The following CACNA1D variants were observed in gnomAD, a reference collection of about 807,000 sequenced individuals.
CACNA1D encodes voltage-dependent L-type calcium channel subunit alpha-1D.
A neutral mutation model predicts 257.1 loss-of-function variants in CACNA1D; 55 were observed. The observed-to-expected ratio is 0.21, with a 90% confidence interval of 0.17 to 0.27. CACNA1D has a LOEUF of 0.27. CACNA1D is among the 10% of genes least tolerant of loss of function. The pLI, the probability that CACNA1D is intolerant of heterozygous loss-of-function variation, is 1.00. For missense variants in CACNA1D, 1,876 were observed against 2,784.0 expected (o/e 0.67, Z 7.34); for synonymous variants, 980 against 1,014.9 (o/e 0.97, Z 0.65).
chr3:53,633,004 A>T (rs1238541483), intron 3 of CACNA1D, among the ~76,000 whole-genome samples: 2 of 152,378 alleles, frequency 1.3e-5, no homozygotes, highest in South Asian at 4.1e-4. Context: ...AATGGTACCA[A>T]TAGACCCGCT....
chr3:53,642,540 C>T (rs2093970001), intron 3 of CACNA1D, among the ~76,000 whole-genome samples: 1 of 152,228 alleles, frequency 6.6e-6, no homozygotes, highest in East Asian at 1.9e-4. Context: ...ACTGCCCCAT[C>T]CAGGCTAACT....
At chr3:53,600,209 T>C (rs1039878560) in intron 3 of CACNA1D, among the ~76,000 whole-genome samples, 4 of 152,260 alleles carry the variant, frequency 2.6e-5, no homozygotes, top group African/African-American at 9.6e-5. Context: ...AAGTTACTTC[T>C]TATTTCACCC....
Position 53,660,247 on chromosome 3 carries a change from A to G in CACNA1D, c.738A>G (p.Arg246=), listed in dbSNP as rs1399270394. The G allele has an allele frequency of 6.2e-7, 1 of 1,614,102 alleles. No individual in the cohort carries two copies. Among genetic ancestry groups the G allele is most frequent in the Non-Finnish European group, 8.5e-7 (1 of 1,179,978 alleles). Residue 246 remains arginine, a synonymous_variant, in exon 5 of 48, where the codon CGA becomes CGG. Transcript: ENST00000350061. ...VKALRAFRVL[R]PLRLVSGVPS... is the part of the protein sequence containing the mutation. The stretch of plus-strand genomic sequence containing the variant: ...CCCTCCGTGCCTTTCGAGTGTTGCG[A>G]CCACTTCGACTAGTGTCAGGAGTGC...
At position 53,709,561 on chromosome 3, in the gene CACNA1D, G is replaced by A. The variant is rs545328525; in HGVS notation, c.1390+6751G>A. Among the ~76,000 whole-genome samples the A allele has an allele frequency of 5.9e-5, 9 of 152,330 alleles. No homozygotes were observed. In the Middle Eastern group the frequency reaches 0.017, roughly 288 times the overall value. ...GCCTACCCATAGTGTGCAGGTGTCT[G>A]TGCTGCCCATGCCCTTGCTTACTCC... On this transcript the variant is annotated intron_variant, in intron 9 of 47. Coordinates refer to ENST00000350061, the MANE Select transcript of CACNA1D (RefSeq NM_001128840.3).
chr3:53,565,473 A>G (rs755975408), intron 3 of CACNA1D, among the ~76,000 whole-genome samples: 5 of 152,232 alleles, frequency 3.3e-5, no homozygotes, highest in Non-Finnish European at 7.3e-5. Flanking sequence ...ATTTATCTGC[A>G]TGGCCAAAAT....
intron 3 of CACNA1D, among the ~76,000 whole-genome samples, chr3:53,501,994 A>G (rs998727338): frequency 1.3e-5 from 2 of 151,894 alleles, no homozygotes; most frequent in African/African-American, 4.8e-5. Flanking sequence ...AATAACTGTT[A>G]TCTCCACATA....
In CACNA1D at chr3:53,734,111, G is replaced by A. The variant is rs750751619; in HGVS notation, c.2621+1149G>A. 4.0e-5 allele frequency among the ~76,000 whole-genome samples: 6 copies of A among 149,852 alleles called. No homozygotes were observed. The Middle Eastern group carries it at 0.011, about 264-fold the overall frequency. On this transcript the variant is annotated intron_variant, in intron 19 of 47. Transcript: ENST00000350061. ...AAGCACTCCTGCCCTCACTAGCTTG[G>A]AAGTTCTTTCCCAGACTCAACTGCT... is the stretch of plus-strand genomic sequence containing the variant.
chr3:53,520,818 A>G (rs1432192421), intron 3 of CACNA1D, among the ~76,000 whole-genome samples: 1 of 151,214 alleles, frequency 6.6e-6, no homozygotes, highest in Admixed American at 6.6e-5. Flanking sequence ...TCTGTATACC[A>G]GTTCCTTTTT....
intron 9 of CACNA1D, among the ~76,000 whole-genome samples, chr3:53,714,213 G>C (rs894864824): frequency 1.3e-5 from 2 of 152,198 alleles, no homozygotes; most frequent in African/African-American, 4.8e-5. Flanking sequence ...ATGGCCCCTG[G>C]TGCTTATTTC....
rs73840931 is a variant in CACNA1D, at chr3:53,719,988, A to G, written c.1505+207A>G. ...CAAAGATCTCCCTCAAAGTAAACCA[A>G]TAAGACTCAGTAACGAGTTTTGCCT... is the stretch of plus-strand genomic sequence containing the variant. On this transcript the variant is annotated intron_variant, in intron 11 of 47. Transcript: ENST00000350061. 0.012 allele frequency among the ~76,000 whole-genome samples: 1,882 copies of G among 152,262 alleles called. 41 individuals carry two copies. Among genetic ancestry groups the G allele is most frequent in the African/African-American group, 0.043 (1,784 of 41,542 alleles).
chr3:53,620,522 G>A (rs1202178898), intron 3 of CACNA1D, among the ~76,000 whole-genome samples: 4 of 152,112 alleles, frequency 2.6e-5, no homozygotes, highest in African/African-American at 7.2e-5. Flanking sequence ...AAACTCTTGC[G>A]CTCAAAGGAT....
chr3:53,650,901 T>C lies in CACNA1D; in HGVS notation c.606T>C (p.Phe202=). 1 of 1,612,822 alleles carries C rather than the reference T, an allele frequency of 6.2e-7. No individual in the cohort carries two copies. The highest frequency in any genetic ancestry group is 1.3e-5 in the African/African-American group (1 of 75,018). The part of the protein sequence containing the change: ...YVRNGWNLLD[F]VIVIVGLFSV... Reference sequence around the variant, plus strand: ...GGAATGGATGGAATTTACTGGATTTTGTTATAGTAATAGTAGGGTAAGTCT... The same window carrying C: ...GGAATGGATGGAATTTACTGGATTTCGTTATAGTAATAGTAGGGTAAGTCT... Residue 202 remains phenylalanine, a synonymous_variant, in exon 4 of 48, where the codon TTT becomes TTC. Coordinates refer to ENST00000350061, the MANE Select transcript of CACNA1D (RefSeq NM_001128840.3).
intron 5 of CACNA1D, 140 bp downstream of exon 5, chr3:53,660,415 A>G (rs1312958370): frequency 9.2e-6 from 7 of 760,282 alleles, no homozygotes; most frequent in East Asian, 2.6e-5. Flanking sequence ...TTCACAGTTG[A>G]CAGGACACTT....
chr3:53,725,587 T>G (rs1027980622), intron 14 of CACNA1D, among the ~76,000 whole-genome samples: 3 of 152,182 alleles, frequency 2.0e-5, no homozygotes, highest in Non-Finnish European at 4.4e-5. Flanking sequence ...ATTGCCTCAC[T>G]GCCTCTCCCC....
At position 53,787,452 on chromosome 3, in the gene CACNA1D, T is replaced by TGTGTGTGTGC. The variant is rs780595738; in HGVS notation, c.4923+502_4923+503insGTGTGTGCGT. ...GTGTGTGTGTGTGTGTGTGTGTGTGTGTATGTATGTATGTGTGGTGTGTCT... is the reference window on the plus strand; with the variant it reads ...GTGTGTGTGTGTGTGTGTGTGTGTGTGTGTGTGTGCGTATGTATGTATGTGTGGTGTGTCT... On this transcript the variant is annotated intron_variant, in intron 40 of 47. Transcript: ENST00000350061. Among the ~76,000 whole-genome samples, 3 of 150,628 alleles carry TGTGTGTGTGC rather than the reference T, an allele frequency of 2.0e-5. No homozygotes were observed. The South Asian group carries it at 6.3e-4, about 32-fold the overall frequency.
chr3:53,788,573 C>T (rs370611450), intron 40 of CACNA1D, among the ~76,000 whole-genome samples: 5 of 152,158 alleles, frequency 3.3e-5, no homozygotes, highest in South Asian at 4.1e-4. Flanking sequence ...TTGAGGGCAG[C>T]GTGGCCAGGT....
chr3:53,507,072 C>CAAAAAAAAAAAA (rs781421977), intron 3 of CACNA1D, among the ~76,000 whole-genome samples: 6 of 56,676 alleles, frequency 1.1e-4, no homozygotes, highest in Non-Finnish European at 1.7e-4. Context: ...GACTCTATCT[C>CAAAAAAAAAAAA]AAAAAAAAAA....
At chr3:53,533,161 A>C (rs1253417175) in intron 3 of CACNA1D, among the ~76,000 whole-genome samples, 1 of 152,206 alleles carries the variant, frequency 6.6e-6, no homozygotes, top group Non-Finnish European at 1.5e-5. Context: ...GCTTCAAAGA[A>C]GCTCAGAGCT....
At chr3:53,553,308 T>TA (rs1190133996) in intron 3 of CACNA1D, among the ~76,000 whole-genome samples, 5 of 152,200 alleles carry the variant, frequency 3.3e-5, no homozygotes, top group African/African-American at 4.8e-5. Flanking sequence ...TATGAAGTTA[T>TA]AAAAAAATGT....
Sources: allele counts gnomAD v4.1 joint callset (sites outside exome capture counted in the v4.1 genomes callset), GRCh38; gene constraint gnomAD v4.1.1; transcripts MANE v1.5; gene names NCBI Gene and HGNC (gene_info 2026-07-23, HGNC 2026-07-21).